Variants in CACNA1E observed in about 807,000 individuals in gnomAD.
The protein encoded by CACNA1E is calcium voltage-gated channel subunit alpha1 E, also known as voltage-dependent R-type calcium channel subunit alpha-1E.
Under a neutral mutation model 259.2 loss-of-function variants are expected in CACNA1E, and 40 were observed. The ratio of observed to expected loss-of-function variants is 0.15; its 90% CI spans 0.12 to 0.20. The LOEUF (loss-of-function observed/expected upper bound fraction) is 0.20. Among genes scored for constraint, CACNA1E ranks in the 10% least tolerant of loss-of-function variants. The pLI is 1.00. For synonymous variants in CACNA1E, 1,104 were observed against 1,138.5 expected, an observed-to-expected ratio of 0.97 and a Z score of 0.61; for missense variants, 1,874 against 3,040.1, an observed-to-expected ratio of 0.62 and a Z score of 9.02.
chr1:181,622,195 C>T (rs141768249), intron 6 of CACNA1E, among the ~76,000 whole-genome samples: 1 of 152,232 alleles, frequency 6.6e-6, no homozygotes, highest in East Asian at 1.9e-4. Flanking sequence ...TTGGCATATC[C>T]AAGGCTAGAT....
chr1:181,771,809 G>T (rs1659544381), intron 36 of CACNA1E, among the ~76,000 whole-genome samples: 1 of 152,152 alleles, frequency 6.6e-6, no homozygotes, highest in Admixed American at 6.6e-5. Context: ...TTTATGCTGG[G>T]TCTTAGAGAA....
At chr1:181,645,630 T>C (rs967878338) in intron 6 of CACNA1E, among the ~76,000 whole-genome samples, 2 of 152,242 alleles carry the variant, frequency 1.3e-5, no homozygotes, top group Admixed American at 6.5e-5. Flanking sequence ...CCCGGACCCA[T>C]GCAGGCCCAC....
chr1:181,598,452 C>A (rs915838391), intron 6 of CACNA1E, among the ~76,000 whole-genome samples: 2 of 152,166 alleles, frequency 1.3e-5, no homozygotes, highest in Non-Finnish European at 2.9e-5. Flanking sequence ...AGAAGGAGAT[C>A]AGGACCTGGG....
At chr1:181,740,922 G>C (rs1166731712) in intron 25 of CACNA1E, among the ~76,000 whole-genome samples, 1 of 152,150 alleles carries the variant, frequency 6.6e-6, no homozygotes, top group Non-Finnish European at 1.5e-5. Context: ...CTCCAAAAGA[G>C]GGACTTCCAG....
chr1:181,543,381 A>T (rs777415815), intron 3 of CACNA1E, among the ~76,000 whole-genome samples: 1 of 152,232 alleles, frequency 6.6e-6, no homozygotes, highest in Admixed American at 6.5e-5. Context: ...ACTGATGTTC[A>T]TCTGCTATGG....
intron 27 of CACNA1E, among the ~76,000 whole-genome samples, chr1:181,754,227 C>A (rs1344131027): frequency 1.3e-5 from 2 of 152,218 alleles, no homozygotes; most frequent in Admixed American, 6.5e-5. Flanking sequence ...TGGCTTAATT[C>A]TGTTAAATTA....
At chr1:181,508,644 C>T (rs931093653) in intron 1 of CACNA1E, among the ~76,000 whole-genome samples, 2 of 152,166 alleles carry the variant, frequency 1.3e-5, no homozygotes, top group African/African-American at 2.4e-5. Context: ...GAGCACTCCT[C>T]CTGCGATCAG....
chr1:181,522,376 G>A (rs1667056032), intron 3 of CACNA1E, among the ~76,000 whole-genome samples: 1 of 152,202 alleles, frequency 6.6e-6, no homozygotes, highest in South Asian at 2.1e-4. Flanking sequence ...GGTAAGAATT[G>A]ATGAGTGTGT....
At position 181,732,765 on chromosome 1, in the gene CACNA1E, C is replaced by A; in HGVS notation, c.2679C>A (p.Asp893Glu). Residue 893 changes from aspartate to glutamate, a missense_variant, in exon 20 of 48, where the codon GAC becomes GAA. Physicochemically the swap from Asp to Glu is conservative, Grantham distance 45 (BLOSUM62 2). This residue lies in a region of CACNA1E where 476 missense variants were observed against 514.0 expected (regional missense o/e 0.93). Coordinates refer to ENST00000367573, the MANE Select transcript of CACNA1E (RefSeq NM_001205293.3). This position sits in a 1 kb window ranked among gnomAD's most constrained non-coding sequence, Gnocchi z 5.5. The part of the protein sequence containing the change: ...WLARPCHGNC[D>E]PTQQEAGGGE... ...CCAGGCCCTGTCATGGAAACTGTGA[C>A]CCGACTCAGCAGGAGGCAGGGGGAG... The A allele has an allele frequency of 6.3e-7, 1 of 1,575,560 alleles. No homozygotes were observed. The highest frequency in any genetic ancestry group is 8.6e-7 in the Non-Finnish European group (1 of 1,160,954).
rs1007809575 is a variant in CACNA1E at position 181,733,723 on chromosome 1, C to T, written c.3235C>T (p.Pro1079Ser). ...CACCGTCGCCATCCCCGACGTGGAC[C>T]CCTTGGTGGACTCAACCGTGGTGCA... ...SVTVAIPDVD[P>S]LVDSTVVHIS... The change falls in exon 21 of 48, where the codon CCC becomes TCC. Residue 1079 changes from proline to serine, a missense_variant. Physicochemically the swap from Pro to Ser is moderately conservative, Grantham distance 74 (BLOSUM62 -1). This residue lies in a region of CACNA1E where 476 missense variants were observed against 514.0 expected (regional missense o/e 0.93). Transcript: ENST00000367573. 9.5e-6 allele frequency: 15 copies of T among 1,575,690 alleles called. No homozygotes were observed. The African/African-American group carries it at 1.6e-4, about 17-fold the overall frequency.
At chr1:181,506,614 C>T (rs1665733387) in intron 1 of CACNA1E, among the ~76,000 whole-genome samples, 1 of 152,170 alleles carries the variant, frequency 6.6e-6, no homozygotes, top group Non-Finnish European at 1.5e-5. Context: ...AATACAGTCA[C>T]ACAATTCAAA....
At chr1:181,558,111 CA>C (rs1376690197) in intron 3 of CACNA1E, among the ~76,000 whole-genome samples, 8 of 152,270 alleles carry the variant, frequency 5.3e-5, no homozygotes, top group Admixed American at 2.0e-4. Flanking sequence ...AAGCAAGTGA[CA>C]TTTGTCTTGG....
At chr1:181,463,471 T>A (rs1177871660) in intron 2 of CACNA1E, among the ~76,000 whole-genome samples, 4 of 152,146 alleles carry the variant, frequency 2.6e-5, no homozygotes, top group Non-Finnish European at 5.9e-5. Context: ...ATCTTCAACA[T>A]CACTTGAGAT....
intron 3 of CACNA1E, among the ~76,000 whole-genome samples, chr1:181,519,431 G>A (rs951254918): frequency 1.3e-5 from 2 of 152,210 alleles, no homozygotes; most frequent in African/African-American, 4.8e-5. Context: ...GAAGGGGCAA[G>A]GTGGGGCAGA....
chr1:181,706,774 CATT>C (rs1652840620), intron 7 of CACNA1E, among the ~76,000 whole-genome samples: 2 of 152,198 alleles, frequency 1.3e-5, no homozygotes. Context: ...TGGAAGAAGA[CATT>C]AGTTTGAATT....
At chr1:181,658,617 G>A (rs1177195453) in intron 7 of CACNA1E, among the ~76,000 whole-genome samples, 4 of 152,146 alleles carry the variant, frequency 2.6e-5, no homozygotes, top group Non-Finnish European at 1.5e-5. Context: ...GCCTGTGGAT[G>A]TTCGATTGAT....
chr1:181,607,794 G>A (rs1654373808), intron 6 of CACNA1E, among the ~76,000 whole-genome samples: 1 of 152,200 alleles, frequency 6.6e-6, no homozygotes, highest in Non-Finnish European at 1.5e-5. Flanking sequence ...GTTTCCTGCA[G>A]GAGGTGGAGA....
chr1:181,447,959 C>T (rs1348189401), intron 2 of CACNA1E, among the ~76,000 whole-genome samples: 1 of 152,210 alleles, frequency 6.6e-6, no homozygotes. Context: ...TGAACTCACT[C>T]TTTTCTCTTC....
At chr1:181,607,959 G>A (rs1654390258) in intron 6 of CACNA1E, among the ~76,000 whole-genome samples, 1 of 152,164 alleles carries the variant, frequency 6.6e-6, no homozygotes, top group Non-Finnish European at 1.5e-5. Flanking sequence ...AGACCCTGGG[G>A]ATTAGCTATT....
Sources: gnomAD v4.1 joint callset for allele counts (sites outside exome capture counted in the v4.1 genomes callset) on GRCh38, gnomAD v4.1.1 for gene constraint, gnomAD v4.1.1 regional missense constraint, Gnocchi (gnomAD v3.1) non-coding constraint, MANE v1.5 for transcripts, NCBI Gene and HGNC (gene_info 2026-07-23, HGNC 2026-07-21) for gene names.